The following HMGCLL1 variants were observed in gnomAD, a reference collection of about 807,000 sequenced individuals.
The protein encoded by HMGCLL1 is 3-hydroxy-3-methylglutaryl-CoA lyase like 1.
HMGCLL1 carries 36 observed loss-of-function variants against 39.1 expected under a neutral mutation model. That is an observed-to-expected ratio of 0.92 (90% CI 0.71 to 1.22). The LOEUF is 1.22. HMGCLL1 is among the 50% of genes most tolerant of loss of function. The pLI, the probability that HMGCLL1 is intolerant of heterozygous loss-of-function variation, is 0.00. For missense variants in HMGCLL1, 451 were observed against 416.5 expected (o/e 1.08, Z -0.72); for synonymous variants, 149 against 144.0 (o/e 1.03, Z -0.25).
the HMGCLL1 span, among the ~76,000 whole-genome samples, chr6:55,650,160 TTTCTCC>T: frequency 7.3e-6 from 1 of 136,088 alleles, no homozygotes; most frequent in East Asian, 2.3e-4. Flanking sequence ...TATGTATATA[TTTCTCC>T]AGGATGATTC....
chr6:55,585,974 C>T, the HMGCLL1 span, among the ~76,000 whole-genome samples: 1 of 151,906 alleles, frequency 6.6e-6, no homozygotes, highest in African/African-American at 2.4e-5. Context: ...AATTCTAAAG[C>T]TGTAGGATCT....
intron 1 of HMGCLL1, chr6:55,563,698 G>C: frequency 3.0e-6 from 1 of 338,444 alleles, no homozygotes; most frequent in Non-Finnish European, 5.6e-6. Flanking sequence ...TGATACCAAA[G>C]TTTACATATG....
At chr6:55,659,290 A>C in the HMGCLL1 span, among the ~76,000 whole-genome samples, 1 of 152,046 alleles carries the variant, frequency 6.6e-6, no homozygotes, top group Non-Finnish European at 1.5e-5. Context: ...TTGTTGGATG[A>C]ATAATTCAGT....
At chr6:55,627,909 C>G in the HMGCLL1 span, among the ~76,000 whole-genome samples, 56 of 2,172 alleles carry the variant, frequency 0.026, 2 homozygotes, top group African/African-American at 0.036. Context: ...AGTATATATA[C>G]TATATATATA....
intron 1 of HMGCLL1, among the ~76,000 whole-genome samples, chr6:55,578,568 C>G (rs184325442): frequency 6.6e-6 from 1 of 152,284 alleles, no homozygotes; most frequent in Admixed American, 6.5e-5. Context: ...AATTTGTAGT[C>G]TTTGTTACAC....
At chr6:55,604,969 A>C in the HMGCLL1 span, among the ~76,000 whole-genome samples, 2 of 152,240 alleles carry the variant, frequency 1.3e-5, no homozygotes, top group Non-Finnish European at 2.9e-5. Flanking sequence ...TGTAGTTTAC[A>C]TTATTTTATT....
At chr6:55,577,012 T>C in intron 1 of HMGCLL1, 2 of 1,602,222 alleles carry the variant, frequency 1.2e-6, no homozygotes, top group Non-Finnish European at 1.7e-6. Context: ...AATCAGTGAG[T>C]GTAGATTGTC....
chr6:55,473,762 C>T (rs1765154857), intron 7 of HMGCLL1, among the ~76,000 whole-genome samples: 1 of 151,348 alleles, frequency 6.6e-6, no homozygotes, highest in Non-Finnish European at 1.5e-5. Flanking sequence ...TTTGTGAAGA[C>T]TGTCTTTTTA....
At chr6:55,514,447 T>G (rs1004098231) in intron 4 of HMGCLL1, among the ~76,000 whole-genome samples, 2 of 151,848 alleles carry the variant, frequency 1.3e-5, no homozygotes, top group Non-Finnish European at 2.9e-5. Context: ...ATGAGGATGT[T>G]CTATTTAATT....
upstream of HMGCLL1, chr6:55,579,219 G>A (rs572563195): frequency 2.9e-5 from 18 of 616,962 alleles, no homozygotes; most frequent in East Asian, 5.0e-4. Flanking sequence ...GAGAGGGCGG[G>A]GAGTGGGGCG....
chr6:55,551,171 T>C (rs940228051), intron 1 of HMGCLL1, among the ~76,000 whole-genome samples: 1 of 151,858 alleles, frequency 6.6e-6, no homozygotes, highest in African/African-American at 2.4e-5. Context: ...TCTATAGGCA[T>C]TCATTTGAGT....
the HMGCLL1 span, among the ~76,000 whole-genome samples, chr6:55,586,843 C>T: frequency 1.1e-4 from 17 of 152,100 alleles, no homozygotes; most frequent in Non-Finnish European, 2.4e-4. Flanking sequence ...ATGAATAGTG[C>T]TGCAATAAAC....
intron 3 of HMGCLL1, among the ~76,000 whole-genome samples, chr6:55,516,899 T>C (rs1041448137): frequency 6.6e-6 from 1 of 152,050 alleles, no homozygotes; most frequent in African/African-American, 2.4e-5. Flanking sequence ...CTTCCTTTCA[T>C]TTCATGGTCC....
chr6:55,642,032 A>G, the HMGCLL1 span, among the ~76,000 whole-genome samples: 7 of 135,288 alleles, frequency 5.2e-5, no homozygotes, highest in Admixed American at 1.5e-4. Context: ...AGCATTAGGT[A>G]TATCTCCCAA....
At chr6:55,458,016 G>C (rs1182050590) in intron 7 of HMGCLL1, among the ~76,000 whole-genome samples, 1 of 152,050 alleles carries the variant, frequency 6.6e-6, no homozygotes, top group African/African-American at 2.4e-5. Flanking sequence ...TGTTTTCCTA[G>C]AAGTGGGGTG....
the HMGCLL1 span, among the ~76,000 whole-genome samples, chr6:55,627,921 A>ATATATATAGTATATATT: frequency 4.7e-4 from 1 of 2,116 alleles, no homozygotes; most frequent in African/African-American, 1.4e-3. Context: ...ATATATATAT[A>ATATATATAGTATATATT]ATATATATAC....
At chr6:55,668,430 G>A in the HMGCLL1 span, among the ~76,000 whole-genome samples, 1 of 151,958 alleles carries the variant, frequency 6.6e-6, no homozygotes, top group African/African-American at 2.4e-5. Flanking sequence ...TTTAAGAACT[G>A]TAAGTTAGGG....
chr6:55,600,664 T>TA, the HMGCLL1 span, among the ~76,000 whole-genome samples: 1 of 152,010 alleles, frequency 6.6e-6, no homozygotes, highest in African/African-American at 2.4e-5. Context: ...TTCTAAAGAA[T>TA]AAAAAAATTA....
intron 7 of HMGCLL1, among the ~76,000 whole-genome samples, chr6:55,444,104 A>G (rs1445950068): frequency 6.6e-6 from 1 of 152,110 alleles, no homozygotes; most frequent in African/African-American, 2.4e-5. Flanking sequence ...ACACATTTCC[A>G]TATATACATT....
Sources: allele counts gnomAD v4.1 joint callset (sites outside exome capture counted in the v4.1 genomes callset), GRCh38; gene constraint gnomAD v4.1.1; transcripts MANE v1.5; gene names NCBI Gene and HGNC (gene_info 2026-07-23, HGNC 2026-07-21).